MSH5: variants seen among roughly 807,000 people sequenced by gnomAD.
MSH5 encodes mutS protein homolog 5.
In MSH5, 78 loss-of-function variants were observed where a neutral mutation model predicts 107.7. The ratio of observed to expected loss-of-function variants is 0.72; its 90% confidence interval spans 0.60 to 0.87. The LOEUF (loss-of-function observed/expected upper bound fraction) is 0.87, where lower values mean the gene tolerates loss of function less well. Ranked by LOEUF, MSH5 falls within the 40% of genes least tolerant of loss-of-function variation. The pLI is 0.00. For synonymous variants in MSH5, 326 were observed against 399.5 expected, an observed-to-expected ratio of 0.82 and a Z score of 2.19; for missense variants, 889 against 1,046.6, an observed-to-expected ratio of 0.85 and a Z score of 2.08.
chr6:31,749,831 T>G (rs1021310180), intron 10 of MSH5, among the ~76,000 whole-genome samples: 2 of 152,220 alleles, frequency 1.3e-5, no homozygotes, highest in Admixed American at 1.3e-4. Context: ...GTAAACGCAC[T>G]GGTGACATCA....
Position 31,745,309 on chromosome 6 carries a change from C to T in MSH5, c.756C>T (p.Leu252=). 1 of 1,611,560 alleles carries T rather than the reference C, an allele frequency of 6.2e-7. No individual in the cohort carries two copies. The highest frequency in any genetic ancestry group is 8.5e-7 in the Non-Finnish European group (1 of 1,177,788). The change falls in exon 9 of 25, where the codon CTC becomes CTT. Residue 252 remains leucine (L), a synonymous_variant. Transcript: ENST00000375750. ...TGGCCAGTGGACTGAAGGAGGGGCT[C>T]AGCCTCTTTGGTAGGTGTGCCCCAT... ...YKVASGLKEG[L]SLFGILNRCH...
chr6:31,743,921 C>A lies in MSH5; in HGVS notation c.433C>A (p.Gln145Lys), dbSNP rs1410526308. 2 of 1,613,342 alleles carry A rather than the reference C, an allele frequency of 1.2e-6. No individual in the cohort carries two copies. The highest frequency in any genetic ancestry group is 2.2e-5 in the South Asian group (2 of 91,082). Residue 145 changes from glutamine to lysine, a missense_variant, in exon 6 of 25, where the codon CAA (glutamine) becomes AAA (lysine). Physicochemically the swap from Gln to Lys is moderately conservative, Grantham distance 53. Coordinates refer to ENST00000375750, the MANE Select transcript of MSH5 (RefSeq NM_172166.4). ...SVDFGLEISK[Q>K]RLLSGNYSFI... ...TCAAATAGGTCTGGAGATAAGCAAACAACGCCTCCTTTCTGGAAACTACTC... is the reference window on the plus strand; with the variant it reads ...TCAAATAGGTCTGGAGATAAGCAAAAAACGCCTCCTTTCTGGAAACTACTC...
Position 31,759,342 on chromosome 6 carries a change from G to A in MSH5, c.1408-83G>A, listed in dbSNP as rs1265250370. The A allele has an allele frequency of 4.1e-6, 6 of 1,478,750 alleles. No individual in the cohort carries two copies. The highest frequency in any genetic ancestry group is 3.4e-5 in the Admixed American group (2 of 58,126). 91.6% of individuals were successfully genotyped at this position (1,478,750 alleles called of 1,614,324 possible). On this transcript the variant is annotated intron_variant, in intron 16 of 24. Transcript: ENST00000375750. This position sits in a 1 kb window ranked among gnomAD's most constrained non-coding sequence, Gnocchi z 4.7. The stretch of plus-strand genomic sequence containing the variant: ...AAAGGAAAGAGAAGTCAGAGTTAGG[G>A]GCTGGAGGTGGGGTTAGAAAGATGG...
At chr6:31,743,572 T>C in intron 5 of MSH5, 1 of 454,902 alleles carries the variant, frequency 2.2e-6, no homozygotes, top group South Asian at 3.2e-5. Flanking sequence ...GAGTGTACTA[T>C]CCTAATTAGA....
chr6:31,745,123 A>C (rs1208226963), intron 8 of MSH5, 114 bp from the exon 9 acceptor site: 1 of 638,194 alleles, frequency 1.6e-6, no homozygotes, highest in Non-Finnish European at 2.7e-6. Flanking sequence ...AAAAAAAAAA[A>C]AAAGACGTGA....
At chr6:31,746,128 C>T (rs1347843879) in intron 9 of MSH5, 1 of 80,316 alleles carries the variant, frequency 1.2e-5, no homozygotes, top group African/African-American at 5.7e-5. Flanking sequence ...CGAAGTCTCG[C>T]TCTTGTCCCC....
At position 31,759,414 on chromosome 6, in the gene MSH5, C is replaced by T; in HGVS notation, c.1408-11C>T. The T allele has an allele frequency of 6.2e-7, 1 of 1,612,366 alleles. No individual in the cohort carries two copies. The highest frequency in any genetic ancestry group is 8.5e-7 in the Non-Finnish European group (1 of 1,179,804). On this transcript the variant is annotated splice_polypyrimidine_tract_variant and intron_variant, in intron 16 of 24. Coordinates refer to ENST00000375750, the MANE Select transcript of MSH5 (RefSeq NM_172166.4). This position sits in a 1 kb window ranked among gnomAD's most constrained non-coding sequence, Gnocchi z 4.7. ...GATGCAAAGTCCACAGCTTTGAACCCCTGTACCCAGTTTCTCTCAGAGGAG... is the reference window on the plus strand; with the variant it reads ...GATGCAAAGTCCACAGCTTTGAACCTCTGTACCCAGTTTCTCTCAGAGGAG...
In MSH5 at chr6:31,758,955, A is replaced by G; in HGVS notation, c.1326+80A>G. The G allele has an allele frequency of 3.4e-6, 5 of 1,455,458 alleles. No individual in the cohort carries two copies. The highest frequency in any genetic ancestry group is 4.8e-6 in the Non-Finnish European group (5 of 1,037,978). 90.2% of individuals were successfully genotyped at this position (1,455,458 alleles called of 1,614,324 possible). On this transcript the variant is annotated intron_variant, in intron 15 of 24. Transcript: ENST00000375750. This position sits in a 1 kb window ranked among gnomAD's most constrained non-coding sequence, Gnocchi z 5.1. ...GCTTATGAAAGACATACTGGTAGAT[A>G]AGAAAACTTGTGGGGCAGCCTGAAG...
chr6:31,758,392 TAAA>T lies in MSH5; in HGVS notation c.1143+100_1143+102del. On this transcript the variant is annotated intron_variant, in intron 13 of 24. Transcript: ENST00000375750. This position sits in a 1 kb window ranked among gnomAD's most constrained non-coding sequence, Gnocchi z 5.1. ...ATGGAAGATATTGAGGTCAATTGGA[TAAA>T]GAATGGGATGGTGGGAGGAGGCAGC... 1 of 1,575,366 alleles carries T rather than the reference TAAA, an allele frequency of 6.3e-7. No individual in the cohort carries two copies. The highest frequency in any genetic ancestry group is 2.2e-5 in the East Asian group (1 of 44,488).
At chr6:31,757,626 TC>T (rs1810564795) in intron 12 of MSH5, 1 of 154,682 alleles carries the variant, frequency 6.5e-6, no homozygotes, top group Admixed American at 6.5e-5. Flanking sequence ...ATTTCTGTCT[TC>T]CTTCCTAGAC....
In MSH5 at chr6:31,758,025, T is replaced by A; in HGVS notation, c.1015-140T>A. On this transcript the variant is annotated intron_variant, in intron 12 of 24. Coordinates refer to ENST00000375750, the MANE Select transcript of MSH5 (RefSeq NM_172166.4). The surrounding 1 kb of genome is among the most constrained non-coding windows in gnomAD (Gnocchi z 5.1). ...CAGTGTTTGGTACAGTGCCTCTCAC[T>A]GTTTCTTTTTGCCTTTGAGATCTTC... 1 of 1,018,682 alleles carries A rather than the reference T, an allele frequency of 9.8e-7. No individual in the cohort carries two copies. Among genetic ancestry groups the A allele is most frequent in the South Asian group, 1.5e-5 (1 of 66,632 alleles). 63.1% of individuals were successfully genotyped at this position (1,018,682 alleles called of 1,614,324 possible).
In MSH5 at chr6:31,761,593, A is replaced by G. The variant is rs745428814; in HGVS notation, c.2159A>G (p.Gln720Arg). The G allele has an allele frequency of 6.2e-7, 1 of 1,614,098 alleles. No homozygotes were observed. Among genetic ancestry groups the G allele is most frequent in the Non-Finnish European group, 8.5e-7 (1 of 1,180,028 alleles). The change falls in exon 22 of 25, where the codon CAA (glutamine) becomes CGA (arginine). Residue 720 changes from glutamine (Q) to arginine (R), a missense_variant. Coordinates refer to ENST00000375750, the MANE Select transcript of MSH5 (RefSeq NM_172166.4). This position sits in a 1 kb window ranked among gnomAD's most constrained non-coding sequence, Gnocchi z 5.3. ...CTTGTTCAGCTACAACTGCTGCCACAAGGGCCCCTGGTGCAGTATTTGGTG... is the reference window on the plus strand; with the variant it reads ...CTTGTTCAGCTACAACTGCTGCCACGAGGGCCCCTGGTGCAGTATTTGGTG... ...LSLVQLQLLP[Q>R]GPLVQYLTME...
chr6:31,748,365 T>G (rs1401340958), intron 10 of MSH5, among the ~76,000 whole-genome samples: 2 of 150,102 alleles, frequency 1.3e-5, no homozygotes, highest in Non-Finnish European at 3.0e-5. Flanking sequence ...TTTTTTTTTT[T>G]GTGACTGAGT....
rs1808805737 is a variant in MSH5, at chr6:31,740,950, G to C, written c.148-213G>C. On this transcript the variant is annotated intron_variant, in intron 2 of 24. Transcript: ENST00000375750. This position sits in a 1 kb window ranked among gnomAD's most constrained non-coding sequence, Gnocchi z 4.4. Reference sequence around the variant, plus strand: ...CACTTCAGCCTGGGCGACAGAGCAAGACTCCGTCTCAAAGAAAGAAAGAAA... The same window carrying C: ...CACTTCAGCCTGGGCGACAGAGCAACACTCCGTCTCAAAGAAAGAAAGAAA... 6.6e-6 allele frequency among the ~76,000 whole-genome samples: 1 copy of C among 151,734 alleles called. No individual in the cohort carries two copies. The highest frequency in any genetic ancestry group is 1.5e-5 in the Non-Finnish European group (1 of 67,960).
intron 10 of MSH5, among the ~76,000 whole-genome samples, chr6:31,749,734 C>G (rs1356584141): frequency 6.6e-6 from 1 of 152,150 alleles, no homozygotes; most frequent in African/African-American, 2.4e-5. Flanking sequence ...TAGCTATGAA[C>G]TCTATCTAGT....
intron 9 of MSH5, among the ~76,000 whole-genome samples, chr6:31,746,598 A>G (rs1809487254): frequency 6.6e-6 from 1 of 150,518 alleles, no homozygotes; most frequent in Non-Finnish European, 1.5e-5. Context: ...ACAGGCCTGC[A>G]CCACCATGCC....
chr6:31,745,385 A>T (rs1051889076), intron 9 of MSH5, 66 bp downstream of exon 9: 3 of 1,120,684 alleles, frequency 2.7e-6, no homozygotes, highest in African/African-American at 3.1e-5. Context: ...GGCTCCAAAG[A>T]TGTGTCCCAG....
At position 31,761,145 on chromosome 6, in the gene MSH5, G is replaced by T. The variant is rs995129566; in HGVS notation, c.1963-43G>T. On this transcript the variant is annotated intron_variant, in intron 20 of 24. Transcript: ENST00000375750. The surrounding 1 kb of genome is among the most constrained non-coding windows in gnomAD (Gnocchi z 5.3). ...GCCAACTGTGGTCAGTGCGTTACGG[G>T]CTTCCAATACTAACTTTCCCTTGTC... The T allele has an allele frequency of 6.3e-7, 1 of 1,591,790 alleles. No homozygotes were observed. Among genetic ancestry groups the T allele is most frequent in the Non-Finnish European group, 8.6e-7 (1 of 1,164,288 alleles).
In MSH5 at chr6:31,762,162, G is replaced by A. The variant is rs1340978672; in HGVS notation, c.2370G>A (p.Leu790=). The part of the protein sequence containing the change: ...SGKPIKPVKD[L]LKKNQMENCQ... Reference sequence around the variant, plus strand: ...AACCCATCAAGCCTGTCAAGGATTTGCTAAAGAAGAACCAAATGGAAAAGT... The same window carrying A: ...AACCCATCAAGCCTGTCAAGGATTTACTAAAGAAGAACCAAATGGAAAAGT... Residue 790 remains leucine (L), a synonymous_variant, in exon 24 of 25, where the codon TTG becomes TTA. Transcript: ENST00000375750. The A allele has an allele frequency of 6.2e-7, 1 of 1,614,164 alleles. No homozygotes were observed. The highest frequency in any genetic ancestry group is 1.3e-5 in the African/African-American group (1 of 75,028).
Sources: allele counts gnomAD v4.1 joint callset (sites outside exome capture counted in the v4.1 genomes callset), GRCh38; gene constraint gnomAD v4.1.1; non-coding constraint Gnocchi (gnomAD v3.1); transcripts MANE v1.5; gene names NCBI Gene and HGNC (gene_info 2026-07-23, HGNC 2026-07-21).